The following PIDD1 variants were observed in gnomAD, a reference collection of about 807,000 sequenced individuals.
PIDD1 encodes p53-induced death domain-containing protein 1.
In PIDD1, 72 loss-of-function variants were observed where a neutral mutation model predicts 80.0. The ratio of observed to expected loss-of-function variants is 0.90; its 90% CI spans 0.74 to 1.09. PIDD1 has a LOEUF of 1.09. Ranked by LOEUF, PIDD1 falls within the 50% of genes least tolerant of loss-of-function variation. PIDD1 has a pLI of 0.00. For missense variants in PIDD1, 1,329 were observed against 1,228.3 expected (o/e 1.08, Z -1.23); for synonymous variants, 655 against 543.5 (o/e 1.21, Z -2.85).
chr11:801,008 G>C lies in PIDD1; in HGVS notation c.1743C>G (p.Arg581=). The change falls in exon 10 of 16, where the codon CGC becomes CGG. Residue 581 remains arginine, a synonymous_variant. Transcript: ENST00000347755. The stretch of plus-strand genomic sequence containing the variant: ...ACCAGGAGAAGTGTGTGACCTGGAA[G>C]CGTGCGTACAGGTGGGTGAGCTCCA... ...VVLELTHLYA[R]FQVTHFSWYW... is the part of the protein sequence containing the mutation. 1 of 1,604,392 alleles carries C rather than the reference G, an allele frequency of 6.2e-7. No individual in the cohort carries two copies. The highest frequency in any genetic ancestry group is 8.5e-7 in the Non-Finnish European group (1 of 1,176,200).
chr11:800,526 T>A lies in PIDD1; in HGVS notation c.2041+17A>T. 1 of 1,451,642 alleles carries A rather than the reference T, an allele frequency of 6.9e-7. No individual in the cohort carries two copies. Among genetic ancestry groups the A allele is most frequent in the Non-Finnish European group, 9.5e-7 (1 of 1,053,978 alleles). The allele number at this position is 1,451,642 out of a possible 1,614,324, so 89.9% of individuals were successfully genotyped here. A position where few individuals can be genotyped will look rare whatever the true frequency, so the allele number is the denominator to read the frequency against. ...GGCTCCCCCTCCAGGGCAGGGAGCATCCACCAGCATCCCTACCAGCATCCA... is the reference window on the plus strand; with the variant it reads ...GGCTCCCCCTCCAGGGCAGGGAGCAACCACCAGCATCCCTACCAGCATCCA... On this transcript the variant is annotated intron_variant, in intron 12 of 15. Transcript: ENST00000347755.
chr11:803,378 C>T lies in PIDD1; in HGVS notation c.505G>A (p.Ala169Thr), dbSNP rs766250358. 6.2e-7 allele frequency: 1 copy of T among 1,613,762 alleles called. No homozygotes were observed. The highest frequency in any genetic ancestry group is 2.2e-5 in the East Asian group (1 of 44,892). Residue 169 changes from alanine to threonine, a missense_variant, in exon 3 of 16, where the codon GCC (alanine) becomes ACC (threonine). Transcript: ENST00000347755. ...GTGAGGAAGGTGAGGGCGGGGAGGGCCCCCAGAGCCTCAGGCAGCTCAGAG... is the reference window on the plus strand; with the variant it reads ...GTGAGGAAGGTGAGGGCGGGGAGGGTCCCCAGAGCCTCAGGCAGCTCAGAG... Reference protein sequence around the residue: ...CLSELPEALGALPALTFLTVT... With the variant: ...CLSELPEALGTLPALTFLTVT...
rs1455217244 is a variant in PIDD1 at position 801,868 on chromosome 11, GCAGGGTGGAAGGTGC to G, written c.1302+82_1302+96del. On this transcript the variant is annotated intron_variant, in intron 7 of 15. Coordinates refer to ENST00000347755, the MANE Select transcript of PIDD1 (RefSeq NM_145886.4). ...GGAAGCAGGATCCAGGAGGGACGGG[GCAGGGTGGAAGGTGC>G]CAGGGTGAGGCTCTGGGCAGAGGTG... is the stretch of plus-strand genomic sequence containing the variant. 2.0e-6 allele frequency: 3 copies of G among 1,471,066 alleles called. No homozygotes were observed. In the South Asian group the frequency reaches 3.6e-5, roughly 18 times the overall value. The allele number at this position is 1,471,066 out of a possible 1,614,324, so 91.1% of individuals were successfully genotyped here.
chr11:800,521 GAGCATCCACCAGCATCCCTACC>G lies in PIDD1; in HGVS notation c.2041_2041+21del, dbSNP rs1441631874. The G allele has an allele frequency of 3.1e-6, 5 of 1,609,704 alleles. No individual in the cohort carries two copies. The South Asian group carries it at 4.4e-5, about 14-fold the overall frequency. On this transcript the variant is annotated splice_donor_variant and splice_donor_5th_base_variant and coding_sequence_variant and intron_variant, in exon 12 of 16. Transcript: ENST00000347755. LOFTEE classifies it high-confidence loss of function. ...GGTAAGGCTCCCCCTCCAGGGCAGG[GAGCATCCACCAGCATCCCTACC>G]AGCATCCACGTCGATGCCGCGCTCG...
chr11:802,292 A>T lies in PIDD1; in HGVS notation c.1079T>A (p.Leu360Gln), dbSNP rs757462361. 1.2e-6 allele frequency: 2 copies of T among 1,612,074 alleles called. No individual in the cohort carries two copies. The highest frequency in any genetic ancestry group is 2.2e-5 in the South Asian group (2 of 91,064). ...GACGAGGCCTGGCTCCGGCAGCAGCAGCCGATAGCGGATGGTGATGGGGGT... is the reference window on the plus strand; with the variant it reads ...GACGAGGCCTGGCTCCGGCAGCAGCTGCCGATAGCGGATGGTGATGGGGGT... ...TATPITIRYR[L>Q]LLPEPGLVPL... The change falls in exon 6 of 16, where the codon CTG (leucine) becomes CAG (glutamine). Residue 360 changes from leucine (L) to glutamine (Q), a missense_variant. Transcript: ENST00000347755.
chr11:808,424 A>T (rs542443446), upstream of PIDD1, among the ~76,000 whole-genome samples: 2 of 151,174 alleles, frequency 1.3e-5, no homozygotes, highest in East Asian at 3.9e-4. Context: ...GACTCCTCAG[A>T]AAAAAAGAAA....
chr11:801,057 TC>T lies in PIDD1; in HGVS notation c.1693del (p.Asp565MetfsTer52), dbSNP rs1303004458. 6.3e-7 allele frequency: 1 copy of T among 1,599,418 alleles called. No individual in the cohort carries two copies. Among genetic ancestry groups the T allele is most frequent in the South Asian group, 1.1e-5 (1 of 89,050 alleles). On this transcript the variant is annotated frameshift_variant, in exon 10 of 16. Coordinates refer to ENST00000347755, the MANE Select transcript of PIDD1 (RefSeq NM_145886.4). LOFTEE classifies it high-confidence loss of function. ...LYWAPPAATW[D>X]DITAQVVLEL... ...CAGGACCACCTGAGCTGTGATGTCA[TC>T]CCAGGTGGCTGCAGGAGGGGCCCAG...
upstream of PIDD1, among the ~76,000 whole-genome samples, chr11:807,503 C>A (rs576095596): frequency 4.0e-5 from 6 of 151,262 alleles, no homozygotes; most frequent in Non-Finnish European, 7.4e-5. Context: ...ATAGGCCGGG[C>A]GTGGTGGCTC....
chr11:801,739 G>A, intron 7 of PIDD1, 115 bp from the exon 8 acceptor site: 1 of 1,034,940 alleles, frequency 9.7e-7, no homozygotes, highest in Non-Finnish European at 1.4e-6. Flanking sequence ...CAGGGACACA[G>A]GGAGCAGGAT....
At position 802,781 on chromosome 11, in the gene PIDD1, G is replaced by A; in HGVS notation, c.820C>T (p.Gln274Ter). The change falls in exon 4 of 16, where the codon CAG (glutamine) becomes TAG (stop). Residue 274 changes from glutamine (Q) to a stop codon, truncating the protein, a stop_gained. Transcript: ENST00000347755. LOFTEE classifies it high-confidence loss of function. ...LLTRLDLRDN[Q>*]LRDLPPELLD... Reference sequence around the variant, plus strand: ...AGCTCAGGGGGCAGGTCCCGGAGCTGGTTGTCCCTCAGGTCGAGCCGGGTG... The same window carrying A: ...AGCTCAGGGGGCAGGTCCCGGAGCTAGTTGTCCCTCAGGTCGAGCCGGGTG... 2 of 1,608,382 alleles carry A rather than the reference G, an allele frequency of 1.2e-6. No individual in the cohort carries two copies. The highest frequency in any genetic ancestry group is 2.2e-5 in the South Asian group (2 of 90,162).
chr11:801,813 G>A (rs771513534), intron 7 of PIDD1, 152 bp downstream of exon 7: 15 of 1,083,186 alleles, frequency 1.4e-5, no homozygotes, highest in South Asian at 6.8e-5. Context: ...CAGGAGGGAC[G>A]GGGTGGGGTG....
Position 803,654 on chromosome 11 carries a change from G to GC in PIDD1, c.296-68dup, listed in dbSNP as rs1179883040. 6 of 1,535,332 alleles carry GC rather than the reference G, an allele frequency of 3.9e-6. No individual in the cohort carries two copies. The East Asian group carries it at 1.2e-4, about 31-fold the overall frequency. On this transcript the variant is annotated intron_variant, in intron 2 of 15. Transcript: ENST00000347755. ...CCGAGGTCCCAGATCGACCCTGCCA[G>GC]CCAGAGAAACAGCTGCTCGAGAGGC...
chr11:799,789 C>T, intron 15 of PIDD1, 26 bp downstream of exon 15: 5 of 1,512,562 alleles, frequency 3.3e-6, no homozygotes, highest in Non-Finnish European at 3.5e-6. Flanking sequence ...CTGGGGCTGG[C>T]AGCCAGCGGG....
chr11:804,041 G>A (rs1372487937), intron 2 of PIDD1, 53 bp downstream of exon 2: 3 of 1,534,578 alleles, frequency 2.0e-6, no homozygotes, highest in Middle Eastern at 1.9e-4. Flanking sequence ...ACATGCAGCA[G>A]AGGCAGGGCA....
intron 1 of PIDD1, 146 bp from the exon 2 acceptor site, chr11:804,609 A>C: frequency 1.3e-6 from 1 of 757,986 alleles, no homozygotes; most frequent in Non-Finnish European, 2.0e-6. Flanking sequence ...GGTCACCCTG[A>C]ACCCCGGAGG....
At position 803,259 on chromosome 11, in the gene PIDD1, C is replaced by T. The variant is rs145939613; in HGVS notation, c.624G>A (p.Thr208=). ...CCAGGCCTCCAATCTCAGGAGGTAGCGTGTCCAGCAGATTCTGAGAGAGAT... is the reference window on the plus strand; with the variant it reads ...CCAGGCCTCCAATCTCAGGAGGTAGTGTGTCCAGCAGATTCTGAGAGAGAT... ...RLDLSQNLLD[T]LPPEIGGLGS... is the part of the protein sequence containing the mutation. The change falls in exon 3 of 16, where the codon ACG becomes ACA. Residue 208 remains threonine, a synonymous_variant. Transcript: ENST00000347755. The T allele has an allele frequency of 8.1e-6, 13 of 1,613,200 alleles. No homozygotes were observed. Among genetic ancestry groups the T allele is most frequent in the Admixed American group, 5.0e-5 (3 of 59,998 alleles).
intron 7 of PIDD1, 78 bp downstream of exon 7, chr11:801,887 G>C: frequency 4.5e-6 from 7 of 1,550,048 alleles, no homozygotes; most frequent in Non-Finnish European, 5.3e-6. Context: ...AAGGTGCCAG[G>C]GTGAGGCTCT....
Position 801,496 on chromosome 11 carries a change from T to C in PIDD1, c.1431A>G (p.Lys477=). Residue 477 remains lysine, a synonymous_variant, in exon 8 of 16, where the codon AAA becomes AAG. Transcript: ENST00000347755. ...CAGTGGCCCCAGGGGGGAAGATGACTTTGACCCCAGGATGACCCGAGGAGC... is the reference window on the plus strand; with the variant it reads ...CAGTGGCCCCAGGGGGGAAGATGACCTTGACCCCAGGATGACCCGAGGAGC... The part of the protein sequence containing the change: ...LLCSSGHPGV[K]VIFPPGATEE... The C allele has an allele frequency of 1.3e-6, 2 of 1,549,924 alleles. No homozygotes were observed. Among genetic ancestry groups the C allele is most frequent in the Non-Finnish European group, 8.7e-7 (1 of 1,145,926 alleles).
Position 804,251 on chromosome 11 carries a change from G to GC in PIDD1, c.137dup (p.Cys47LeufsTer116), listed in dbSNP as rs1565069380. Reference sequence around the variant, plus strand: ...CACACAGGTGCAGCAGCTGCTGGCAGCCCCCGGGGTACAGGTCCAAGCTCA... The same window carrying GC: ...CACACAGGTGCAGCAGCTGCTGGCAGCCCCCCGGGGTACAGGTCCAAGCTCA... On this transcript the variant is annotated frameshift_variant, in exon 2 of 16. Transcript: ENST00000347755. LOFTEE classifies it high-confidence loss of function. 2.5e-6 allele frequency: 4 copies of GC among 1,612,996 alleles called. No individual in the cohort carries two copies. The South Asian group carries it at 3.3e-5, about 13-fold the overall frequency.
Sources: allele counts gnomAD v4.1 joint callset (sites outside exome capture counted in the v4.1 genomes callset), GRCh38; gene constraint gnomAD v4.1.1; transcripts MANE v1.5; gene names NCBI Gene and HGNC (gene_info 2026-07-23, HGNC 2026-07-21).